SLC9C2: variants seen among roughly 807,000 people sequenced by gnomAD.
The protein encoded by SLC9C2 is solute carrier family 9 member C2 (putative).
In SLC9C2, 75 loss-of-function variants were observed where a neutral mutation model predicts 140.2. The observed-to-expected ratio is 0.53, with a 90% CI of 0.44 to 0.65. The LOEUF is 0.65. SLC9C2 is among the 30% of genes least tolerant of loss of function. The pLI is 0.00. For synonymous variants in SLC9C2, 375 were observed against 420.9 expected (o/e 0.89, Z 1.34); for missense variants, 1,074 against 1,331.8 (o/e 0.81, Z 3.01).
chr1:173,582,167 A>G (rs1170042916), intron 6 of SLC9C2, among the ~76,000 whole-genome samples, 159 bp from the exon 7 acceptor site: 1 of 146,188 alleles, frequency 6.8e-6, no homozygotes, highest in East Asian at 1.9e-4. Context: ...AAAGTCTGGT[A>G]AAAAAACCTC....
chr1:173,538,191 C>T (rs1662112001), intron 13 of SLC9C2, among the ~76,000 whole-genome samples: 1 of 152,184 alleles, frequency 6.6e-6, no homozygotes, highest in Non-Finnish European at 1.5e-5. Context: ...TGGCCAGGCT[C>T]TCTCTACTCT....
At chr1:173,516,625 T>C (rs554635289) in intron 23 of SLC9C2, among the ~76,000 whole-genome samples, 2 of 152,342 alleles carry the variant, frequency 1.3e-5, no homozygotes, top group South Asian at 4.1e-4. Context: ...CCATCCATAG[T>C]TCCTGCAAAA....
chr1:173,591,991 T>C (rs2901748), intron 4 of SLC9C2, among the ~76,000 whole-genome samples: 35,116 of 152,142 alleles, frequency 0.23, 5,382 homozygotes, highest in East Asian at 0.68. Context: ...ATGGTTTTTA[T>C]AGTTTTAGGT....
rs146647654 is a variant in SLC9C2, at chr1:173,556,636, G to A, written c.1215+704C>T. 3.8e-3 allele frequency among the ~76,000 whole-genome samples: 572 copies of A among 151,792 alleles called. 5 individuals carry two copies. The highest frequency in any genetic ancestry group is 5.6e-3 in the Non-Finnish European group (381 of 67,950). On this transcript the variant is annotated intron_variant, in intron 10 of 27. Transcript: ENST00000367714. ...CTATTGAAAAATTGCATTTGTACCC[G>A]GGCCTGGTGGCTCACGTCTGTAATC...
At position 173,554,829 on chromosome 1, in the gene SLC9C2, CATAA is replaced by C. The variant is rs760342505; in HGVS notation, c.1216-19_1216-16del. ...TAGAGTATAAACTAAAAACAAAGCA[CATAA>C]ATAGTTAGAACCAAAACATTAAATA... On this transcript the variant is annotated splice_polypyrimidine_tract_variant and intron_variant, in intron 10 of 27. Transcript: ENST00000367714. 1.2e-5 allele frequency: 17 copies of C among 1,473,662 alleles called. No individual in the cohort carries two copies. The highest frequency in any genetic ancestry group is 8.4e-5 in the African/African-American group (6 of 71,780). The allele number at this position is 1,473,662 out of a possible 1,614,324, so 91.3% of individuals were successfully genotyped here.
chr1:173,600,064 C>G, intron 3 of SLC9C2, 53 bp downstream of exon 3: 2 of 1,261,400 alleles, frequency 1.6e-6, no homozygotes, highest in Non-Finnish European at 2.2e-6. Context: ...TGGGAGTGGA[C>G]TTTATTTTTG....
chr1:173,537,171 T>G (rs1662030061), intron 13 of SLC9C2, 132 bp from the exon 14 acceptor site: 4 of 653,258 alleles, frequency 6.1e-6, no homozygotes, highest in Middle Eastern at 4.2e-4. Context: ...AAAAATTATG[T>G]AGTAGGAAAT....
intron 9 of SLC9C2, among the ~76,000 whole-genome samples, chr1:173,571,172 C>T (rs1210619743): frequency 2.0e-5 from 3 of 152,184 alleles, no homozygotes; most frequent in Non-Finnish European, 4.4e-5. Flanking sequence ...AATGCCCTGA[C>T]TTTATTCCCC....
chr1:173,525,317 G>A (rs1661123689), intron 19 of SLC9C2, among the ~76,000 whole-genome samples: 2 of 152,168 alleles, frequency 1.3e-5, no homozygotes, highest in African/African-American at 4.8e-5. Context: ...TGGCTGGTGG[G>A]TCTTTCTGAG....
In SLC9C2 at chr1:173,595,931, G is replaced by A. The variant is rs529165712; in HGVS notation, c.357+1973C>T. Among the ~76,000 whole-genome samples, 13 of 152,148 alleles carry A rather than the reference G, an allele frequency of 8.5e-5. No homozygotes were observed. In the South Asian group the frequency reaches 1.9e-3, roughly 22 times the overall value. On this transcript the variant is annotated intron_variant, in intron 4 of 27. Coordinates refer to ENST00000367714, the MANE Select transcript of SLC9C2 (RefSeq NM_178527.4). ...AAATTTCCTCATGCTATATCTTTGT[G>A]GTCAATTCTTTTCCCCAACACCATT...
intron 4 of SLC9C2, among the ~76,000 whole-genome samples, chr1:173,594,514 G>A (rs1342247601): frequency 1.3e-5 from 2 of 152,158 alleles, no homozygotes; most frequent in African/African-American, 4.8e-5. Flanking sequence ...CAGAAAGATG[G>A]AGTTGGATGC....
intron 13 of SLC9C2, among the ~76,000 whole-genome samples, chr1:173,539,860 G>T (rs1245585065): frequency 6.6e-6 from 1 of 152,100 alleles, no homozygotes; most frequent in Non-Finnish European, 1.5e-5. Flanking sequence ...TGGGATTGTT[G>T]GTTTAAAAAA....
chr1:173,521,319 A>G lies in SLC9C2; in HGVS notation c.2721T>C (p.Ile907=). The G allele has an allele frequency of 2.6e-6, 4 of 1,537,430 alleles. No homozygotes were observed. The highest frequency in any genetic ancestry group is 3.5e-6 in the Non-Finnish European group (4 of 1,150,934). Residue 907 remains isoleucine (I), a synonymous_variant, in exon 22 of 28, where the codon ATT becomes ATC. Transcript: ENST00000367714. ...CCCTTACAATTGCCATTCCTGAAAT[A>G]ATTAAGTAGATTCCTTGTGGCATTT... is the stretch of plus-strand genomic sequence containing the variant. The part of the protein sequence containing the change: ...GGEMPQGIYL[I]ISGMAILHSL...
intron 22 of SLC9C2, among the ~76,000 whole-genome samples, chr1:173,520,523 G>C (rs979747803): frequency 1.3e-5 from 2 of 152,176 alleles, no homozygotes; most frequent in African/African-American, 4.8e-5. Flanking sequence ...ATTTGTGTCT[G>C]TTTTGTCAAT....
chr1:173,580,140 G>A (rs1665431004), intron 7 of SLC9C2, among the ~76,000 whole-genome samples: 1 of 146,726 alleles, frequency 6.8e-6, no homozygotes, highest in Non-Finnish European at 1.5e-5. Flanking sequence ...CTGAGTTGCA[G>A]TGTTGCAGTG....
In SLC9C2 at chr1:173,598,016, T is replaced by C. The variant is rs1571644401; in HGVS notation, c.245A>G (p.Tyr82Cys). ...YNSVEVHQIVYPLLRTSSFSL... is the reference protein window; with the variant it reads ...YNSVEVHQIVCPLLRTSSFSL... ...AAAACTTGATGTTCTTAGAAGAGGG[T>C]AGACAATTTGGTGCACCTAAAGTAA... is the stretch of plus-strand genomic sequence containing the variant. The change falls in exon 4 of 28, where the codon TAC becomes TGC. Residue 82 changes from tyrosine to cysteine, a missense_variant. By Grantham distance (194) the Tyr-to-Cys change is radical (BLOSUM62 -2). Transcript: ENST00000367714. 6.3e-7 allele frequency: 1 copy of C among 1,589,070 alleles called. No homozygotes were observed. The highest frequency in any genetic ancestry group is 8.6e-7 in the Non-Finnish European group (1 of 1,169,194).
chr1:173,520,149 G>A (rs1043766919), intron 22 of SLC9C2, among the ~76,000 whole-genome samples: 4 of 152,102 alleles, frequency 2.6e-5, no homozygotes, highest in African/African-American at 9.7e-5. Context: ...CGCCCAGGCT[G>A]GAGTGCAGTG....
chr1:173,574,025 T>G (rs1665002506), intron 8 of SLC9C2, among the ~76,000 whole-genome samples: 1 of 152,194 alleles, frequency 6.6e-6, no homozygotes, highest in African/African-American at 2.4e-5. Flanking sequence ...CCAGAGATTC[T>G]TGCTGAGTAG....
chr1:173,527,390 G>T (rs1661280545), intron 18 of SLC9C2, among the ~76,000 whole-genome samples: 1 of 152,170 alleles, frequency 6.6e-6, no homozygotes, highest in African/African-American at 2.4e-5. Flanking sequence ...GCCTCATTTG[G>T]CAGTGAGCCA....
Sources: gnomAD v4.1 joint callset for allele counts (sites outside exome capture counted in the v4.1 genomes callset) on GRCh38, gnomAD v4.1.1 for gene constraint, MANE v1.5 for transcripts, NCBI Gene and HGNC (gene_info 2026-07-23, HGNC 2026-07-21) for gene names.